ADAMTS3: variants seen among roughly 807,000 people sequenced by gnomAD.
ADAMTS3 encodes the protein A disintegrin and metalloproteinase with thrombospondin motifs 3.
A neutral mutation model predicts 129.0 loss-of-function variants in ADAMTS3; 73 were observed. The observed-to-expected ratio is 0.57, with a 90% confidence interval of 0.47 to 0.69. The LOEUF (loss-of-function observed/expected upper bound fraction) is 0.69, where lower values mean the gene tolerates loss of function less well. ADAMTS3 is among the 30% of genes least tolerant of loss of function. The pLI, the probability that ADAMTS3 is intolerant of heterozygous loss-of-function variation, is 0.00. For missense variants in ADAMTS3, 1,457 were observed against 1,514.5 expected (o/e 0.96, Z 0.63); for synonymous variants, 477 against 510.8 (o/e 0.93, Z 0.89).
chr4:72,495,617 A>T, intron 3 of ADAMTS3, among the ~76,000 whole-genome samples: 1 of 152,156 alleles, frequency 6.6e-6, no homozygotes, highest in Non-Finnish European at 1.5e-5. Flanking sequence ...AGTTTAACTC[A>T]ATAATAACAG....
At chr4:72,470,305 A>C (rs1719032853) in intron 3 of ADAMTS3, among the ~76,000 whole-genome samples, 1 of 148,398 alleles carries the variant, frequency 6.7e-6, no homozygotes, top group African/African-American at 2.5e-5. Flanking sequence ...ATCACCACCT[A>C]CCTCTCTGGA....
intron 2 of ADAMTS3, among the ~76,000 whole-genome samples, chr4:72,551,950 C>T (rs7440137): frequency 0.29 from 44,652 of 151,988 alleles, 6,654 homozygotes; most frequent in East Asian, 0.4. Context: ...CCAATTTTTC[C>T]TCTAGTGTAG....
chr4:72,382,853 T>G (rs183907637), intron 4 of ADAMTS3, among the ~76,000 whole-genome samples: 1 of 151,950 alleles, frequency 6.6e-6, no homozygotes, highest in Admixed American at 6.6e-5. Context: ...CTGGAAACAA[T>G]AGACTCTGGA....
At chr4:72,328,138 C>T (rs1578585855) in intron 5 of ADAMTS3, among the ~76,000 whole-genome samples, 1 of 152,060 alleles carries the variant, frequency 6.6e-6, no homozygotes, top group Non-Finnish European at 1.5e-5. Flanking sequence ...ACCTATTGGA[C>T]CATGGGTAGA....
Position 72,479,361 on chromosome 4 carries a change from A to G in ADAMTS3, c.505-64390T>C, listed in dbSNP as rs141393227. On this transcript the variant is annotated intron_variant, in intron 3 of 21. Coordinates refer to ENST00000286657, the MANE Select transcript of ADAMTS3 (RefSeq NM_014243.3). ...CAAAACAGAGATATAGAACAATGGA[A>G]CAGAAAAGAGCCCTCAGAAATAATG... Among the ~76,000 whole-genome samples, 2,942 of 152,312 alleles carry G rather than the reference A, an allele frequency of 0.019. 137 individuals carry two copies. The East Asian group carries it at 0.2, about 10-fold the overall frequency.
At chr4:72,536,964 A>G (rs1721198201) in intron 3 of ADAMTS3, among the ~76,000 whole-genome samples, 1 of 152,238 alleles carries the variant, frequency 6.6e-6, no homozygotes, top group Non-Finnish European at 1.5e-5. Flanking sequence ...TAAAAAGGTG[A>G]TAGAATAGGA....
intron 4 of ADAMTS3, among the ~76,000 whole-genome samples, chr4:72,408,914 C>T (rs758982792): frequency 3.3e-5 from 5 of 150,488 alleles, no homozygotes; most frequent in African/African-American, 7.3e-5. Flanking sequence ...CAGGGCCGGT[C>T]GGGGGGTGGG....
chr4:72,328,764 A>T (rs1395408309), intron 5 of ADAMTS3, among the ~76,000 whole-genome samples: 3 of 152,150 alleles, frequency 2.0e-5, no homozygotes, highest in Admixed American at 1.3e-4. Context: ...TATATACAAA[A>T]TTTTTTTAAA....
intron 4 of ADAMTS3, among the ~76,000 whole-genome samples, chr4:72,354,011 A>G (rs570022381): frequency 1.3e-5 from 2 of 151,988 alleles, no homozygotes; most frequent in East Asian, 1.9e-4. Context: ...AAAATCACCT[A>G]TTCATATATT....
intron 4 of ADAMTS3, among the ~76,000 whole-genome samples, chr4:72,399,826 CGTGT>C (rs1205133843): frequency 0.023 from 80 of 3,472 alleles, 17 homozygotes; most frequent in South Asian, 0.12. Context: ...TGTGTATATA[CGTGT>C]GTATATATAT....
chr4:72,358,482 C>T (rs908234697), intron 4 of ADAMTS3, among the ~76,000 whole-genome samples: 6 of 152,008 alleles, frequency 3.9e-5, no homozygotes, highest in African/African-American at 4.8e-5. Context: ...TTTTTACTAT[C>T]GTATGAACTA....
chr4:72,490,706 A>G (rs1719716987), intron 3 of ADAMTS3, among the ~76,000 whole-genome samples: 1 of 151,798 alleles, frequency 6.6e-6, no homozygotes. Flanking sequence ...ATTGGTTTTC[A>G]TGCCAGTACC....
intron 3 of ADAMTS3, among the ~76,000 whole-genome samples, chr4:72,520,800 A>C (rs1466426675): frequency 6.6e-6 from 1 of 151,982 alleles, no homozygotes; most frequent in Non-Finnish European, 1.5e-5. Flanking sequence ...TTCCCGAGTG[A>C]GGCAATGCCT....
At chr4:72,372,160 G>A (rs1721025606) in intron 4 of ADAMTS3, among the ~76,000 whole-genome samples, 1 of 151,980 alleles carries the variant, frequency 6.6e-6, no homozygotes, top group Non-Finnish European at 1.5e-5. Flanking sequence ...GTGAAAAGAA[G>A]AACGGATCAA....
intron 3 of ADAMTS3, among the ~76,000 whole-genome samples, chr4:72,518,043 T>C (rs1720544745): frequency 6.6e-6 from 1 of 152,196 alleles, no homozygotes; most frequent in African/African-American, 2.4e-5. Flanking sequence ...TGCGTCTTTG[T>C]TCTCGTTGGT....
At chr4:72,324,199 C>A (rs1300485484) in intron 5 of ADAMTS3, among the ~76,000 whole-genome samples, 2 of 152,116 alleles carry the variant, frequency 1.3e-5, no homozygotes, top group Admixed American at 6.6e-5. Context: ...AATCTCATAG[C>A]GAGTGGCTTT....
At chr4:72,421,043 G>C (rs1244026385) in intron 3 of ADAMTS3, among the ~76,000 whole-genome samples, 1 of 152,212 alleles carries the variant, frequency 6.6e-6, no homozygotes, top group Non-Finnish European at 1.5e-5. Flanking sequence ...AGATTTGAGG[G>C]AAGGTCAATA....
chr4:72,400,804 G>A (rs544888840), intron 4 of ADAMTS3, among the ~76,000 whole-genome samples: 1 of 143,596 alleles, frequency 7.0e-6, no homozygotes, highest in African/African-American at 2.5e-5. Context: ...GTGGGTATAT[G>A]TATGTGTGTA....
At chr4:72,427,092 C>A (rs563538183) in intron 3 of ADAMTS3, among the ~76,000 whole-genome samples, 1 of 152,236 alleles carries the variant, frequency 6.6e-6, no homozygotes, top group South Asian at 2.1e-4. Context: ...TTCTGTAGAT[C>A]AGAAGGCTGA....
Sources: allele counts gnomAD v4.1 joint callset (sites outside exome capture counted in the v4.1 genomes callset), GRCh38; gene constraint gnomAD v4.1.1; transcripts MANE v1.5; gene names NCBI Gene and HGNC (gene_info 2026-07-23, HGNC 2026-07-21).